The following SPNS3 variants were observed in gnomAD, a reference collection of about 807,000 sequenced individuals.
The protein encoded by SPNS3 is SPNS lysolipid transporter 3, sphingosine-1-phosphate (putative), also known as protein spinster homolog 3.
Under a neutral mutation model 54.4 loss-of-function variants are expected in SPNS3, and 51 were observed. The observed-to-expected ratio is 0.94, with a 90% CI of 0.75 to 1.18. SPNS3 has a LOEUF of 1.18. Among genes scored for constraint, SPNS3 ranks in the 50% most tolerant of loss-of-function variants. The pLI, the probability that SPNS3 is intolerant of heterozygous loss-of-function variation, is 0.00. For synonymous variants in SPNS3, 309 were observed against 294.7 expected, an observed-to-expected ratio of 1.05 and a Z score of -0.50; for missense variants, 669 against 677.4, an observed-to-expected ratio of 0.99 and a Z score of 0.14.
rs141293999 is a variant in SPNS3, at chr17:4,464,983, G to A, written c.1113+11778G>A. Among the ~76,000 whole-genome samples the A allele has an allele frequency of 4.6e-3, 695 of 152,308 alleles. 2 individuals carry two copies. Among genetic ancestry groups the A allele is most frequent in the Admixed American group, 8.8e-3 (134 of 15,292 alleles). ...GGCATGAGCCACCACTCCCGGCTGA[G>A]CCTGTTCTAATTACTATGCATATGT... On this transcript the variant is annotated intron_variant, in intron 8 of 11. Coordinates refer to ENST00000355530, the MANE Select transcript of SPNS3 (RefSeq NM_182538.5).
intron 7 of SPNS3, among the ~76,000 whole-genome samples, chr17:4,451,441 T>C (rs995858621): frequency 3.3e-5 from 5 of 151,892 alleles, no homozygotes; most frequent in African/African-American, 7.2e-5. Flanking sequence ...TGGTAGAGAA[T>C]TTAGAGAATT....
intron 8 of SPNS3, among the ~76,000 whole-genome samples, chr17:4,466,475 G>A (rs954917567): frequency 1.3e-5 from 2 of 151,030 alleles, no homozygotes; most frequent in African/African-American, 4.9e-5. Flanking sequence ...AGGAGGCGGA[G>A]GTTGCAGTGA....
At chr17:4,438,765 G>A (rs1477824261) in intron 1 of SPNS3, among the ~76,000 whole-genome samples, 1 of 152,258 alleles carries the variant, frequency 6.6e-6, no homozygotes, top group Non-Finnish European at 1.5e-5. Context: ...CCTAAGTAAA[G>A]GGCTGTGCAC....
chr17:4,476,896 G>A (rs901148454), intron 8 of SPNS3, among the ~76,000 whole-genome samples: 5 of 152,200 alleles, frequency 3.3e-5, no homozygotes, highest in African/African-American at 9.7e-5. Context: ...TGTCCCGCCC[G>A]GCATGGTGGC....
chr17:4,446,773 T>C, intron 4 of SPNS3, 123 bp from the exon 5 acceptor site: 1 of 854,108 alleles, frequency 1.2e-6, no homozygotes, highest in Non-Finnish European at 1.9e-6. Flanking sequence ...GTGAAACAGG[T>C]CTGAGCCTGC....
intron 8 of SPNS3, among the ~76,000 whole-genome samples, chr17:4,453,722 G>A (rs1466285854): frequency 3.3e-5 from 5 of 152,220 alleles, no homozygotes; most frequent in Non-Finnish European, 2.9e-5. Flanking sequence ...GGTGTCCTCT[G>A]AGCATTGGGT....
At chr17:4,454,098 C>T (rs1351468794) in intron 8 of SPNS3, among the ~76,000 whole-genome samples, 1 of 152,222 alleles carries the variant, frequency 6.6e-6, no homozygotes, top group African/African-American at 2.4e-5. Flanking sequence ...AAGCCTTCCC[C>T]TACCACTCTA....
chr17:4,479,381 TCA>T (rs961853636), intron 9 of SPNS3, among the ~76,000 whole-genome samples: 54 of 152,242 alleles, frequency 3.5e-4, no homozygotes, highest in African/African-American at 1.3e-3. Flanking sequence ...AGCTCGTGTG[TCA>T]CAGGCTGCCA....
At chr17:4,440,925 A>G in intron 2 of SPNS3, among the ~76,000 whole-genome samples, 1 of 152,196 alleles carries the variant, frequency 6.6e-6, no homozygotes, top group South Asian at 2.1e-4. Flanking sequence ...TCAGGGATGC[A>G]TGTCAACACA....
Position 4,483,381 on chromosome 17 carries a change from C to T in SPNS3, c.1180-2847C>T, listed in dbSNP as rs75123654. The T allele has an allele frequency of 7.1e-3, 1,086 of 152,396 alleles. 8 individuals are homozygous for T. The highest frequency in any genetic ancestry group is 0.024 in the Middle Eastern group (7 of 294). 9.4% of individuals were successfully genotyped at this position (152,396 alleles called of 1,614,324 possible). A position where few individuals can be genotyped will look rare whatever the true frequency, so the allele number is the denominator to read the frequency against. Reference sequence around the variant, plus strand: ...AATTACCCCCTGGGCTCTCCAGCTTCTGTGGGCCCAGCCTTGGCTGCTGGC... The same window carrying T: ...AATTACCCCCTGGGCTCTCCAGCTTTTGTGGGCCCAGCCTTGGCTGCTGGC... On this transcript the variant is annotated intron_variant, in intron 9 of 11. Transcript: ENST00000355530. This position sits in a 1 kb window ranked among gnomAD's most constrained non-coding sequence, Gnocchi z 4.2.
At chr17:4,487,265 G>T (rs1464624574) in intron 11 of SPNS3, among the ~76,000 whole-genome samples, 1 of 152,096 alleles carries the variant, frequency 6.6e-6, no homozygotes, top group African/African-American at 2.4e-5. Flanking sequence ...GAGGAAACGA[G>T]GGAGTGAGCC....
At chr17:4,439,624 TCC>T (rs1171237241) in intron 1 of SPNS3, 32 bp from the exon 2 acceptor site, 1 of 1,603,444 alleles carries the variant, frequency 6.2e-7, no homozygotes, top group East Asian at 2.2e-5. Context: ...GAGGGCTACT[TCC>T]CGTTTCCTGA....
intron 8 of SPNS3, among the ~76,000 whole-genome samples, chr17:4,454,857 T>C (rs1359224017): frequency 6.6e-6 from 1 of 151,424 alleles, no homozygotes; most frequent in African/African-American, 2.4e-5. Flanking sequence ...ACTCCTGACC[T>C]CGTGATCCAC....
chr17:4,474,472 CGGT>C (rs1971937556), intron 8 of SPNS3, among the ~76,000 whole-genome samples: 1 of 152,072 alleles, frequency 6.6e-6, no homozygotes, highest in African/African-American at 2.4e-5. Flanking sequence ...TCTCCCTTCT[CGGT>C]GGGCCCAGAA....
At chr17:4,475,902 A>G (rs1971981906) in intron 8 of SPNS3, among the ~76,000 whole-genome samples, 1 of 152,184 alleles carries the variant, frequency 6.6e-6, no homozygotes, top group Non-Finnish European at 1.5e-5. Context: ...CTGGCCTGTG[A>G]GGAGCCCCAG....
At chr17:4,475,011 G>A (rs1003753725) in intron 8 of SPNS3, among the ~76,000 whole-genome samples, 3 of 152,108 alleles carry the variant, frequency 2.0e-5, no homozygotes, top group South Asian at 2.1e-4. Flanking sequence ...GAGAGGCCTC[G>A]GCTGTGCGTG....
intron 7 of SPNS3, among the ~76,000 whole-genome samples, chr17:4,450,199 G>A (rs998597674): frequency 4.6e-5 from 7 of 151,434 alleles, no homozygotes; most frequent in African/African-American, 1.7e-4. Context: ...GGGTTTTGGC[G>A]ACACTCGTCC....
Position 4,488,093 on chromosome 17 carries a change from C to G in SPNS3, c.*199C>G. ...CAGCACTCTGCGTGGGAGGCCTGGGCCTGTGCCTGCATCCCGCTCAAGGCT... is the reference window on the plus strand; with the variant it reads ...CAGCACTCTGCGTGGGAGGCCTGGGGCTGTGCCTGCATCCCGCTCAAGGCT... On this transcript the variant is annotated 3_prime_UTR_variant, in exon 12 of 12. Transcript: ENST00000355530. 1 of 594,798 alleles carries G rather than the reference C, an allele frequency of 1.7e-6. No individual in the cohort carries two copies. Among genetic ancestry groups the G allele is most frequent in the Non-Finnish European group, 3.0e-6 (1 of 335,418 alleles). 36.8% of individuals were successfully genotyped at this position (594,798 alleles called of 1,614,324 possible). A position where few individuals can be genotyped will look rare whatever the true frequency, so the allele number is the denominator to read the frequency against.
chr17:4,477,290 A>G (rs575864867), intron 8 of SPNS3, among the ~76,000 whole-genome samples: 1 of 152,320 alleles, frequency 6.6e-6, no homozygotes, highest in Admixed American at 6.5e-5. Context: ...AGACAGGGTC[A>G]CAAGAGAGGA....
Sources: gnomAD v4.1 joint callset for allele counts (sites outside exome capture counted in the v4.1 genomes callset) on GRCh38, gnomAD v4.1.1 for gene constraint, Gnocchi (gnomAD v3.1) non-coding constraint, MANE v1.5 for transcripts, NCBI Gene and HGNC (gene_info 2026-07-23, HGNC 2026-07-21) for gene names.